AKT3: variants seen among roughly 807,000 people sequenced by gnomAD.
The protein encoded by AKT3 is RAC-gamma serine/threonine-protein kinase.
In AKT3, 15 loss-of-function variants were observed where a neutral mutation model predicts 65.3. The observed-to-expected ratio is 0.23, with a 90% CI of 0.15 to 0.35. The LOEUF (loss-of-function observed/expected upper bound fraction) is 0.35. Among genes scored for constraint, AKT3 ranks in the 10% least tolerant of loss-of-function variants. AKT3 has a pLI of 1.00. For missense variants in AKT3, 243 were observed against 576.5 expected, an observed-to-expected ratio of 0.42 and a Z score of 5.92; for synonymous variants, 206 against 183.8, an observed-to-expected ratio of 1.12 and a Z score of -0.98.
At chr1:243,832,046 C>T (rs6659180) in intron 2 of AKT3, among the ~76,000 whole-genome samples, 37,867 of 145,638 alleles carry the variant, frequency 0.26, 5,625 homozygotes, top group African/African-American at 0.41. Flanking sequence ...TTTGGGAGGC[C>T]GAGGCATGAG....
chr1:243,613,919 GTT>G (rs1463860764), intron 7 of AKT3, among the ~76,000 whole-genome samples, 180 bp from the exon 8 acceptor site: 3 of 152,086 alleles, frequency 2.0e-5, no homozygotes, highest in Non-Finnish European at 2.9e-5. Flanking sequence ...TAAAACAAAT[GTT>G]TAGTTCACAA....
At chr1:243,686,707 G>A (rs188018235) in intron 3 of AKT3, among the ~76,000 whole-genome samples, 8 of 105,024 alleles carry the variant, frequency 7.6e-5, no homozygotes, top group South Asian at 7.2e-4. Context: ...TTGCTCTGTC[G>A]CCAAGGCTTG....
At chr1:243,677,062 A>C (rs1683573619) in intron 3 of AKT3, among the ~76,000 whole-genome samples, 1 of 152,254 alleles carries the variant, frequency 6.6e-6, no homozygotes, top group African/African-American at 2.4e-5. Context: ...AAAAAGTTTC[A>C]AACTGTATTC....
chr1:243,611,957 T>C (rs2148599418), intron 8 of AKT3, among the ~76,000 whole-genome samples: 1 of 152,278 alleles, frequency 6.6e-6, no homozygotes, highest in East Asian at 1.9e-4. Context: ...AGAAGTTAGG[T>C]CTTTCACTAT....
chr1:243,600,850 C>T (rs1467448234), intron 8 of AKT3, among the ~76,000 whole-genome samples: 1 of 152,034 alleles, frequency 6.6e-6, no homozygotes, highest in African/African-American at 2.4e-5. Flanking sequence ...AGAAAATAAT[C>T]AATGAATTGT....
chr1:243,492,452 C>A lies in AKT3; in HGVS notation c.*7-4002G>T, dbSNP rs199656337. Among the ~76,000 whole-genome samples, 8 of 151,706 alleles carry A rather than the reference C, an allele frequency of 5.3e-5. No homozygotes were observed. In the East Asian group the frequency reaches 1.6e-3, roughly 29 times the overall value. On this transcript the variant is annotated intron_variant, in intron 13 of 13. Coordinates refer to the AKT3 transcript ENST00000336199. ...AAGTAGCTGGGATTACAGGCACCCA[C>A]CACCACACCTAGCTAATTTTTTTGT...
intron 1 of AKT3, among the ~76,000 whole-genome samples, chr1:243,849,035 T>C (rs1014697823): frequency 6.6e-6 from 1 of 152,172 alleles, no homozygotes; most frequent in East Asian, 1.9e-4. Context: ...AGATTCTTTA[T>C]CTCTAGGCTA....
chr1:243,722,529 C>T (rs145211669), intron 2 of AKT3, among the ~76,000 whole-genome samples: 2 of 152,060 alleles, frequency 1.3e-5, no homozygotes, highest in African/African-American at 2.4e-5. Context: ...AATCATCACA[C>T]CCCCAGACCA....
intron 10 of AKT3, among the ~76,000 whole-genome samples, chr1:243,555,110 C>G (rs1042940589): frequency 6.6e-6 from 1 of 152,114 alleles, no homozygotes; most frequent in African/African-American, 2.4e-5. Context: ...CTTAATTGAT[C>G]TACAGATACA....
Position 243,499,834 on chromosome 1 carries a change from T to TTCA in AKT3, c.*5412_*5414dup, listed in dbSNP as rs1669072302. On this transcript the variant is annotated 3_prime_UTR_variant, in exon 14 of 14. Coordinates refer to ENST00000673466, the MANE Select transcript of AKT3 (RefSeq NM_005465.7). ...AATGATTTACAAAGAGATATTTACA[T>TTCA]TCATCTGGTTTAGACTTAATATGCC... 1 of 1,576,698 alleles carries TTCA rather than the reference T, an allele frequency of 6.3e-7. No homozygotes were observed.
At chr1:243,493,695 G>T (rs1204961111) in intron 13 of AKT3, among the ~76,000 whole-genome samples, 1 of 152,002 alleles carries the variant, frequency 6.6e-6, no homozygotes, top group East Asian at 1.9e-4. Flanking sequence ...AGCATTCTTG[G>T]CAGTGAATTT....
chr1:243,616,392 A>G (rs998638658), intron 6 of AKT3, among the ~76,000 whole-genome samples: 5 of 151,860 alleles, frequency 3.3e-5, no homozygotes, highest in African/African-American at 1.2e-4. Context: ...TCAAACCAAA[A>G]ATAAACTAAG....
intron 3 of AKT3, among the ~76,000 whole-genome samples, chr1:243,681,928 T>C (rs889496039): frequency 6.6e-6 from 1 of 152,134 alleles, no homozygotes; most frequent in African/African-American, 2.4e-5. Flanking sequence ...AAAATGTTAA[T>C]TTTCTTCCTT....
chr1:243,809,111 A>C (rs1197949068), intron 2 of AKT3, among the ~76,000 whole-genome samples: 1 of 152,228 alleles, frequency 6.6e-6, no homozygotes, highest in Non-Finnish European at 1.5e-5. Flanking sequence ...TGCTAGGAAG[A>C]AACTGTATCA....
chr1:243,555,960 C>T (rs1252184981), intron 10 of AKT3, among the ~76,000 whole-genome samples: 1 of 152,064 alleles, frequency 6.6e-6, no homozygotes, highest in East Asian at 1.9e-4. Flanking sequence ...TGTAGTTGTA[C>T]ATTATACCTA....
At chr1:243,706,449 C>A (rs960349248) in intron 2 of AKT3, among the ~76,000 whole-genome samples, 1 of 152,172 alleles carries the variant, frequency 6.6e-6, no homozygotes, top group African/African-American at 2.4e-5. Context: ...GTTCAACCCA[C>A]CCATCCCACT....
intron 2 of AKT3, among the ~76,000 whole-genome samples, chr1:243,705,365 G>A (rs1000679364): frequency 1.3e-5 from 2 of 152,152 alleles, no homozygotes; most frequent in Middle Eastern, 3.2e-3. Context: ...TGGTTTGTTA[G>A]TACTTTTATC....
intron 2 of AKT3, among the ~76,000 whole-genome samples, chr1:243,832,351 TCTC>T (rs1488770328): frequency 3.3e-5 from 5 of 151,962 alleles, no homozygotes; most frequent in African/African-American, 4.8e-5. Flanking sequence ...ACAAACTTCT[TCTC>T]CTCATAATTT....
chr1:243,705,554 C>T (rs1292575961), intron 2 of AKT3, among the ~76,000 whole-genome samples: 7 of 152,030 alleles, frequency 4.6e-5, no homozygotes, highest in Non-Finnish European at 1.5e-5. Flanking sequence ...CTCTTAAACA[C>T]AATAACATCT....
Sources: gnomAD v4.1 joint callset for allele counts (sites outside exome capture counted in the v4.1 genomes callset) on GRCh38, gnomAD v4.1.1 for gene constraint, MANE v1.5 for transcripts, NCBI Gene and HGNC (gene_info 2026-07-23, HGNC 2026-07-21) for gene names.